UTP14C: variants seen among roughly 807,000 people sequenced by gnomAD.
UTP14C encodes UTP14C small subunit processome component, also known as U3 small nucleolar RNA-associated protein 14 homolog C.
In UTP14C, 10 loss-of-function variants were observed where a neutral mutation model predicts 14.6. The observed-to-expected ratio is 0.68, with a 90% CI of 0.42 to 1.16. UTP14C has a LOEUF of 1.16. UTP14C is among the 50% of genes most tolerant of loss of function. UTP14C has a pLI of 0.00. For synonymous variants in UTP14C, 315 were observed against 331.6 expected, an observed-to-expected ratio of 0.95 and a Z score of 0.54; for missense variants, 818 against 890.8, an observed-to-expected ratio of 0.92 and a Z score of 1.04.
rs1954325361 is a variant in UTP14C, at chr13:52,033,381, AG to A, written c.*2277del. 6.0e-6 allele frequency: 1 copy of A among 167,082 alleles called. No individual in the cohort carries two copies. Among genetic ancestry groups the A allele is most frequent in the African/African-American group, 2.4e-5 (1 of 41,458 alleles). The allele number at this position is 167,082 out of a possible 1,614,324, so 10.3% of individuals were successfully genotyped here. A position where few individuals can be genotyped will look rare whatever the true frequency, so the allele number is the denominator to read the frequency against. ...TAATAATTATTTGTAAATATTATTT[AG>A]ATTTGTATTTAGACATGATTTATAT... is the stretch of plus-strand genomic sequence containing the variant. On this transcript the variant is annotated 3_prime_UTR_variant, in exon 2 of 2. Transcript: ENST00000521776.
At position 52,024,716 on chromosome 13, in the gene UTP14C, A is replaced by C; in HGVS notation, c.-708A>C. On this transcript the variant is annotated 5_prime_UTR_variant, in exon 1 of 2. Coordinates refer to ENST00000521776, the MANE Select transcript of UTP14C (RefSeq NM_021645.6). ...GCCTTTGCTAAATTGCTGAATAAGA[A>C]GATGGTTGAGTCACCTCCTTCGCTT... 1 of 1,614,232 alleles carries C rather than the reference A, an allele frequency of 6.2e-7. No individual in the cohort carries two copies. Among genetic ancestry groups the C allele is most frequent in the East Asian group, 2.2e-5 (1 of 44,884 alleles).
rs989822213 is a variant in UTP14C at position 52,031,157 on chromosome 13, G to A, written c.*52G>A. 1.3e-6 allele frequency: 2 copies of A among 1,559,550 alleles called. No homozygotes were observed. Among genetic ancestry groups the A allele is most frequent in the East Asian group, 2.2e-5 (1 of 44,518 alleles). Reference sequence around the variant, plus strand: ...AGGGGCCCTGATTCCACTTCCTTTGGTCCAGTTTTACTCTGCTACAGGGTG... The same window carrying A: ...AGGGGCCCTGATTCCACTTCCTTTGATCCAGTTTTACTCTGCTACAGGGTG... On this transcript the variant is annotated 3_prime_UTR_variant, in exon 2 of 2. Transcript: ENST00000521776.
Position 52,030,659 on chromosome 13 carries a change from A to G in UTP14C, c.1855A>G (p.Lys619Glu). ...KEKREAVEAS[K>E]PKDVDLTLPG... is the part of the protein sequence containing the mutation. ...GAAGAGGGAAGCTGTGGAGGCGAGTAAGCCAAAGGACGTGGACCTGACACT... is the reference window on the plus strand; with the variant it reads ...GAAGAGGGAAGCTGTGGAGGCGAGTGAGCCAAAGGACGTGGACCTGACACT... Residue 619 changes from lysine (K) to glutamate (E), a missense_variant, in exon 2 of 2, where the codon AAG becomes GAG. By Grantham distance (56) the Lys-to-Glu change is moderately conservative. Transcript: ENST00000521776. 6.2e-7 allele frequency: 1 copy of G among 1,614,196 alleles called. No individual in the cohort carries two copies. Among genetic ancestry groups the G allele is most frequent in the Non-Finnish European group, 8.5e-7 (1 of 1,180,024 alleles).
In UTP14C at chr13:52,031,134, G is replaced by C. The variant is rs1167392895; in HGVS notation, c.*29G>C. 1.3e-5 allele frequency: 21 copies of C among 1,578,088 alleles called. No homozygotes were observed. The highest frequency in any genetic ancestry group is 3.6e-5 in the Admixed American group (2 of 56,086). On this transcript the variant is annotated 3_prime_UTR_variant, in exon 2 of 2. Transcript: ENST00000521776. ...GTGTAGCTGGAGAAGTGACAGTCAG[G>C]GGCCCTGATTCCACTTCCTTTGGTC...
chr13:52,028,172 A>G (rs1452073654), intron 1 of UTP14C, 147 bp from the exon 2 acceptor site: 3 of 872,768 alleles, frequency 3.4e-6, no homozygotes, highest in Non-Finnish European at 5.3e-6. Flanking sequence ...CTTGTACTGT[A>G]GAAGTTGAAT....
In UTP14C at chr13:52,031,123, G is replaced by A; in HGVS notation, c.*18G>A. ...AACTGTAGGTTGTGTAGCTGGAGAA[G>A]TGACAGTCAGGGGCCCTGATTCCAC... On this transcript the variant is annotated 3_prime_UTR_variant, in exon 2 of 2. Coordinates refer to ENST00000521776, the MANE Select transcript of UTP14C (RefSeq NM_021645.6). 6.3e-7 allele frequency: 1 copy of A among 1,590,440 alleles called. No individual in the cohort carries two copies. The highest frequency in any genetic ancestry group is 8.6e-7 in the Non-Finnish European group (1 of 1,167,630).
chr13:52,027,270 A>G (rs781373077), intron 1 of UTP14C, among the ~76,000 whole-genome samples: 13 of 152,110 alleles, frequency 8.5e-5, no homozygotes, highest in Admixed American at 5.2e-4. Flanking sequence ...GAGAAGAGAC[A>G]GTGGCTAGGG....
chr13:52,030,162 A>G lies in UTP14C; in HGVS notation c.1358A>G (p.Glu453Gly). The G allele has an allele frequency of 1.2e-6, 2 of 1,614,208 alleles. No homozygotes were observed. The highest frequency in any genetic ancestry group is 1.7e-6 in the Non-Finnish European group (2 of 1,180,032). ...SQETKDSSSQ[E>G]VLSELRALSQ... The stretch of plus-strand genomic sequence containing the variant: ...GAAACAAAAGATTCTAGCAGCCAGG[A>G]GGTGCTGTCCGAATTGAGGGCACTA... Residue 453 changes from glutamate (E) to glycine (G), a missense_variant, in exon 2 of 2, where the codon GAG becomes GGG. By Grantham distance (98) the Glu-to-Gly change is moderately conservative (BLOSUM62 -2). Coordinates refer to ENST00000521776, the MANE Select transcript of UTP14C (RefSeq NM_021645.6).
chr13:52,028,737 G>T lies in UTP14C; in HGVS notation c.-68G>T. The T allele has an allele frequency of 6.2e-7, 1 of 1,608,888 alleles. No individual in the cohort carries two copies. The highest frequency in any genetic ancestry group is 1.1e-5 in the South Asian group (1 of 90,644). ...TCCTTTTAGAATAAAAGGAAGTGTT[G>T]AAAAGAAAATGGATGACTAGCCTTC... On this transcript the variant is annotated 5_prime_UTR_variant, in exon 2 of 2. Coordinates refer to ENST00000521776, the MANE Select transcript of UTP14C (RefSeq NM_021645.6).
chr13:52,029,203 C>T lies in UTP14C; in HGVS notation c.399C>T (p.Phe133=), dbSNP rs371996268. 92 of 1,614,066 alleles carry T rather than the reference C, an allele frequency of 5.7e-5. No homozygotes were observed. The highest frequency in any genetic ancestry group is 7.5e-5 in the Non-Finnish European group (88 of 1,180,052). ...AACAGATCCACAGAGAAGTAGCATT[C>T]AGTAAAACCTCACAGGTCCTCTCCA... ...KIEQIHREVA[F]SKTSQVLSKW... Residue 133 remains phenylalanine (F), a synonymous_variant, in exon 2 of 2, where the codon TTC becomes TTT. Transcript: ENST00000521776.
At position 52,028,857 on chromosome 13, in the gene UTP14C, T is replaced by A. The variant is rs746660464; in HGVS notation, c.53T>A (p.Leu18Gln). The change falls in exon 2 of 2, where the codon CTA (leucine) becomes CAA (glutamine). Residue 18 changes from leucine (L) to glutamine (Q), a missense_variant. Leu to Gln is a moderately radical substitution (Grantham distance 113). Transcript: ENST00000521776. ...CTGGCTTTGAGCCACCAGGAAGAACTAGTGGATTTGCCAAAAAACTACCCC... is the reference window on the plus strand; with the variant it reads ...CTGGCTTTGAGCCACCAGGAAGAACAAGTGGATTTGCCAAAAAACTACCCC... ...ENLALSHQEE[L>Q]VDLPKNYPLS... The A allele has an allele frequency of 9.9e-6, 16 of 1,614,098 alleles. No individual in the cohort carries two copies. Among genetic ancestry groups the A allele is most frequent in the Non-Finnish European group, 1.4e-5 (16 of 1,180,040 alleles).
chr13:52,025,465 C>T (rs1487979972), intron 1 of UTP14C, among the ~76,000 whole-genome samples: 2 of 152,234 alleles, frequency 1.3e-5, no homozygotes, highest in African/African-American at 4.8e-5. Context: ...TTTGATAATG[C>T]TGCTTAAGTG....
chr13:52,026,856 G>A (rs925523384), intron 1 of UTP14C, among the ~76,000 whole-genome samples: 3 of 152,190 alleles, frequency 2.0e-5, no homozygotes, highest in Non-Finnish European at 4.4e-5. Context: ...TTGTCCTTGT[G>A]CAGGTAGTTA....
rs1566714781 is a variant in UTP14C, at chr13:52,030,785, A to G, written c.1981A>G (p.Lys661Glu). 1 of 1,614,048 alleles carries G rather than the reference A, an allele frequency of 6.2e-7. No homozygotes were observed. Among genetic ancestry groups the G allele is most frequent in the African/African-American group, 1.3e-5 (1 of 74,924 alleles). Reference protein sequence around the residue: ...KAPEGPPRKDKNLPNVIISEK... With the variant: ...KAPEGPPRKDENLPNVIISEK... ...CCCTGAGGGTCCTCCAAGAAAAGAT[A>G]AGAATTTGCCAAATGTGATTATCAG... Residue 661 changes from lysine (K) to glutamate (E), a missense_variant, in exon 2 of 2, where the codon AAG becomes GAG. By Grantham distance (56) the Lys-to-Glu change is moderately conservative. Coordinates refer to ENST00000521776, the MANE Select transcript of UTP14C (RefSeq NM_021645.6).
In UTP14C at chr13:52,030,321, T is replaced by C. The variant is rs779240213; in HGVS notation, c.1517T>C (p.Val506Ala). The C allele has an allele frequency of 1.7e-5, 27 of 1,613,868 alleles. No individual in the cohort carries two copies. Among genetic ancestry groups the C allele is most frequent in the East Asian group, 2.2e-5 (1 of 44,866 alleles). Residue 506 changes from valine (V) to alanine (A), a missense_variant, in exon 2 of 2, where the codon GTA (valine) becomes GCA (alanine). Coordinates refer to ENST00000521776, the MANE Select transcript of UTP14C (RefSeq NM_021645.6). ...CTATTGCTACAGAGGTCAGAGAGAGTACAAACTCTGGAAGAGCTAGAAGAG... is the reference window on the plus strand; with the variant it reads ...CTATTGCTACAGAGGTCAGAGAGAGCACAAACTCTGGAAGAGCTAGAAGAG... ...EPLLLQRSER[V>A]QTLEELEELG...
At position 52,032,254 on chromosome 13, in the gene UTP14C, A is replaced by C. The variant is rs1449752812; in HGVS notation, c.*1149A>C. ...AAAAAAGGAAAAAGAAAATTATGAG[A>C]GTTACTTAAAGGTAACATCACATAC... On this transcript the variant is annotated 3_prime_UTR_variant, in exon 2 of 2. Transcript: ENST00000521776. 6.0e-6 allele frequency: 1 copy of C among 165,540 alleles called. No individual in the cohort carries two copies. Among genetic ancestry groups the C allele is most frequent in the African/African-American group, 2.4e-5 (1 of 41,456 alleles). 10.3% of individuals were successfully genotyped at this position (165,540 alleles called of 1,614,324 possible).
At chr13:52,027,952 A>G (rs142598806) in intron 1 of UTP14C, among the ~76,000 whole-genome samples, 115 of 152,190 alleles carry the variant, frequency 7.6e-4, no homozygotes, top group African/African-American at 2.6e-3. Context: ...CTACTTGTCT[A>G]TTTTAACTAA....
At chr13:52,025,444 G>A (rs1398985678) in intron 1 of UTP14C, among the ~76,000 whole-genome samples, 1 of 152,170 alleles carries the variant, frequency 6.6e-6, no homozygotes, top group Non-Finnish European at 1.5e-5. Context: ...ACAAGGCCCA[G>A]GTAGATGTAT....
chr13:52,029,343 G>A lies in UTP14C; in HGVS notation c.539G>A (p.Arg180Lys). 5 of 1,614,122 alleles carry A rather than the reference G, an allele frequency of 3.1e-6. No homozygotes were observed. Among genetic ancestry groups the A allele is most frequent in the Non-Finnish European group, 4.2e-6 (5 of 1,180,034 alleles). The change falls in exon 2 of 2, where the codon AGA becomes AAA. Residue 180 changes from arginine (R) to lysine (K), a missense_variant. Transcript: ENST00000521776. ...CATGCGCTCAGTGGCTGGAAGGCAA[G>A]AACTCCCCTGGAGCAGGAAATTTTT... Reference protein sequence around the residue: ...IEHALSGWKARTPLEQEIFNL... With the variant: ...IEHALSGWKAKTPLEQEIFNL...
Sources: gnomAD v4.1 joint callset for allele counts (sites outside exome capture counted in the v4.1 genomes callset) on GRCh38, gnomAD v4.1.1 for gene constraint, MANE v1.5 for transcripts, NCBI Gene and HGNC (gene_info 2026-07-23, HGNC 2026-07-21) for gene names.